Variants in TGFBR3 observed in about 807,000 individuals in gnomAD.
TGFBR3 encodes the protein transforming growth factor beta receptor 3, also known as transforming growth factor beta receptor type 3.
In TGFBR3, 46 loss-of-function variants were observed where a neutral mutation model predicts 87.9. The ratio of observed to expected loss-of-function variants is 0.52; its 90% CI spans 0.41 to 0.67. TGFBR3 has a LOEUF of 0.67. TGFBR3 is among the 30% of genes least tolerant of loss of function. The pLI is 0.00. For missense variants in TGFBR3, 866 were observed against 1,041.9 expected (o/e 0.83, Z 2.32); for synonymous variants, 381 against 391.6 (o/e 0.97, Z 0.32).
At chr1:91,690,267 C>T (rs1441081115) in intron 16 of TGFBR3, among the ~76,000 whole-genome samples, 1 of 152,154 alleles carries the variant, frequency 6.6e-6, no homozygotes, top group Non-Finnish European at 1.5e-5. Context: ...CCTCGCTCCA[C>T]TGGGCTGAGA....
intron 2 of TGFBR3, among the ~76,000 whole-genome samples, chr1:91,807,136 C>T (rs1675863723): frequency 6.6e-6 from 1 of 152,316 alleles, no homozygotes; most frequent in Non-Finnish European, 1.5e-5. Flanking sequence ...GGAACTACAG[C>T]GCCTTGGGGA....
intron 2 of TGFBR3, among the ~76,000 whole-genome samples, chr1:91,860,934 CAAAAAAAAAAAAAAA>C (rs3039477): frequency 2.8e-5 from 1 of 35,636 alleles, no homozygotes; most frequent in Non-Finnish European, 5.6e-5. Context: ...TCTGTCTCCA[CAAAAAAAAAAAAAAA>C]AAAAAAAAAA....
In TGFBR3 at chr1:91,732,685, G is replaced by A. The variant is rs140566838; in HGVS notation, c.568+2091C>T. ...TGCTCCTCTCTCCACGGCATGGCCC[G>A]GTGACTCATACTCAACTGGTGGCTG... On this transcript the variant is annotated intron_variant, in intron 5 of 16. Transcript: ENST00000212355. Among the ~76,000 whole-genome samples the A allele has an allele frequency of 3.0e-3, 462 of 152,252 alleles. 2 individuals carry two copies. The highest frequency in any genetic ancestry group is 4.5e-3 in the Non-Finnish European group (309 of 68,024).
chr1:91,813,374 A>C (rs1359442637), intron 2 of TGFBR3, among the ~76,000 whole-genome samples: 2 of 152,222 alleles, frequency 1.3e-5, no homozygotes, highest in Non-Finnish European at 2.9e-5. Context: ...AAGTTCTAAG[A>C]GAAAAAAACA....
At chr1:91,850,778 C>T (rs143890427) in intron 2 of TGFBR3, among the ~76,000 whole-genome samples, 1 of 116,284 alleles carries the variant, frequency 8.6e-6, no homozygotes, top group African/African-American at 3.7e-5. Context: ...AAGACCCTGT[C>T]TCAAAAAAAA....
chr1:91,899,082 C>G (rs10875040), intron 2 of TGFBR3, among the ~76,000 whole-genome samples: 5 of 151,996 alleles, frequency 3.3e-5, no homozygotes, highest in Non-Finnish European at 4.4e-5. Context: ...ATCTATTGTA[C>G]AGCTTGGTGA....
At chr1:91,778,087 C>T (rs1166072233) in intron 3 of TGFBR3, among the ~76,000 whole-genome samples, 1 of 151,548 alleles carries the variant, frequency 6.6e-6, no homozygotes, top group Non-Finnish European at 1.5e-5. Context: ...AGCAATGAAA[C>T]TCAAAAGCAT....
upstream of TGFBR3, among the ~76,000 whole-genome samples, chr1:91,888,571 G>A (rs986107939): frequency 2.0e-5 from 3 of 152,132 alleles, no homozygotes; most frequent in East Asian, 1.9e-4. Flanking sequence ...GCATGGTGGC[G>A]GGCACCTGTA....
rs1276496135 is a variant in TGFBR3, at chr1:91,695,733, A to T, written c.2376T>A (p.Phe792Leu). The change falls in exon 16 of 17, where the codon TTT (phenylalanine) becomes TTA (leucine). Residue 792 changes from phenylalanine (F) to leucine (L), a missense_variant. Transcript: ENST00000212355. ...LDTLTVMGIA[F>L]AAFVIGALLT... ...GGAGTGCTCCGATCACAAAGGCTGCAAACGCAATGCCCATCACGGTTAGGG... is the reference window on the plus strand; with the variant it reads ...GGAGTGCTCCGATCACAAAGGCTGCTAACGCAATGCCCATCACGGTTAGGG... The T allele has an allele frequency of 6.2e-7, 1 of 1,614,212 alleles. No homozygotes were observed. Among genetic ancestry groups the T allele is most frequent in the Admixed American group, 1.7e-5 (1 of 60,026 alleles).
Position 91,875,780 on chromosome 1 carries a change from CGGGCGGGG to C in TGFBR3, c.-114+10090_-114+10097del, listed in dbSNP as rs1333204918. The stretch of plus-strand genomic sequence containing the variant: ...GCGCACACCTGTAATCCCAGCTACT[CGGGCGGGG>C]GGGGGGGGTGGGAGTGTGCAGCTGA... On this transcript the variant is annotated intron_variant, in intron 1 of 16. Transcript: ENST00000212355. Among the ~76,000 whole-genome samples, 21 of 6,892 alleles carry C rather than the reference CGGGCGGGG, an allele frequency of 3.0e-3. 7 individuals carry two copies. Among genetic ancestry groups the C allele is most frequent in the Non-Finnish European group, 6.5e-3 (19 of 2,902 alleles). 4.5% of individuals were successfully genotyped at this position (6,892 alleles called of 152,430 possible). A position where few individuals can be genotyped will look rare whatever the true frequency, so the allele number is the denominator to read the frequency against.
intron 2 of TGFBR3, among the ~76,000 whole-genome samples, chr1:91,822,100 T>A (rs1676469130): frequency 1.3e-5 from 2 of 152,048 alleles, no homozygotes; most frequent in South Asian, 4.2e-4. Context: ...GGCAATAGTG[T>A]GACTTATGTG....
At chr1:91,744,231 C>T (rs1275424096) in intron 4 of TGFBR3, among the ~76,000 whole-genome samples, 1 of 151,692 alleles carries the variant, frequency 6.6e-6, no homozygotes, top group African/African-American at 2.4e-5. Flanking sequence ...ATTACAGGCA[C>T]CTGCCACCAT....
chr1:91,727,028 C>T (rs992545240), intron 7 of TGFBR3, among the ~76,000 whole-genome samples: 2 of 152,182 alleles, frequency 1.3e-5, no homozygotes. Context: ...CTTGTGCGTA[C>T]ATCTCTATTA....
chr1:91,803,671 T>C (rs1675727424), intron 2 of TGFBR3, among the ~76,000 whole-genome samples: 1 of 152,148 alleles, frequency 6.6e-6, no homozygotes, highest in South Asian at 2.1e-4. Flanking sequence ...TCATCAGAAG[T>C]GCCAACCTTT....
At position 91,861,644 on chromosome 1, in the gene TGFBR3, C is replaced by T. The variant is rs778067216; in HGVS notation, c.-113G>A. The T allele has an allele frequency of 6.4e-6, 5 of 783,812 alleles. No individual in the cohort carries two copies. Among genetic ancestry groups the T allele is most frequent in the Admixed American group, 1.9e-5 (1 of 53,040 alleles). The allele number at this position is 783,812 out of a possible 1,614,324, so 48.6% of individuals were successfully genotyped here. A position where few individuals can be genotyped will look rare whatever the true frequency, so the allele number is the denominator to read the frequency against. On this transcript the variant is annotated splice_region_variant and 5_prime_UTR_variant, in exon 2 of 17. Coordinates refer to ENST00000212355, the MANE Select transcript of TGFBR3 (RefSeq NM_003243.5). Reference sequence around the variant, plus strand: ...GTCCCTCCTTGCAATTTTCAAACTGCCTGTAAAACAAATTTCAATAAGAAA... The same window carrying T: ...GTCCCTCCTTGCAATTTTCAAACTGTCTGTAAAACAAATTTCAATAAGAAA...
At chr1:91,749,576 C>T (rs1181301504) in intron 4 of TGFBR3, among the ~76,000 whole-genome samples, 6 of 152,174 alleles carry the variant, frequency 3.9e-5, no homozygotes, top group African/African-American at 1.2e-4. Context: ...AATGTGGACT[C>T]GAGGTGCAAG....
rs1391954510 is a variant in TGFBR3 at position 91,749,731 on chromosome 1, C to G, written c.384+8882G>C. On this transcript the variant is annotated intron_variant, in intron 4 of 16. Transcript: ENST00000212355. The stretch of plus-strand genomic sequence containing the variant: ...CACTGTCTATAATTTATGAGCGGAA[C>G]AAGGCACAGCCACAGCCTTCAAGTC... Among the ~76,000 whole-genome samples, 5 of 152,182 alleles carry G rather than the reference C, an allele frequency of 3.3e-5. No homozygotes were observed. The South Asian group carries it at 8.3e-4, about 25-fold the overall frequency.
rs1305985022 is a variant in TGFBR3 at position 91,695,777 on chromosome 1, T to C, written c.2332A>G (p.Ile778Val). The C allele has an allele frequency of 6.2e-7, 1 of 1,613,872 alleles. No homozygotes were observed. Among genetic ancestry groups the C allele is most frequent in the Non-Finnish European group, 8.5e-7 (1 of 1,179,932 alleles). The stretch of plus-strand genomic sequence containing the variant: ...GTTAGGGTGTCCAGACCATGGAAAA[T>C]TGCTATAAAGGAGAGAAACCGATAC... Reference protein sequence around the residue: ...MKEPNPISPPIFHGLDTLTVM... With the variant: ...MKEPNPISPPVFHGLDTLTVM... The change falls in exon 16 of 17, where the codon ATT becomes GTT. Residue 778 changes from isoleucine to valine, a missense_variant and splice_region_variant. Physicochemically the swap from Ile to Val is conservative, Grantham distance 29 (BLOSUM62 3). Transcript: ENST00000212355.
chr1:91,877,556 C>T (rs1678851550), intron 1 of TGFBR3, among the ~76,000 whole-genome samples: 1 of 152,238 alleles, frequency 6.6e-6, no homozygotes, highest in Middle Eastern at 3.4e-3. Context: ...CCTTATTTAG[C>T]CCACACAGTG....
Sources: gnomAD v4.1 joint callset for allele counts (sites outside exome capture counted in the v4.1 genomes callset) on GRCh38, gnomAD v4.1.1 for gene constraint, MANE v1.5 for transcripts, NCBI Gene and HGNC (gene_info 2026-07-23, HGNC 2026-07-21) for gene names.